Variants in NDUFA12 observed in about 807,000 individuals in gnomAD.
NDUFA12 encodes the protein NADH dehydrogenase [ubiquinone] 1 alpha subcomplex subunit 12.
NDUFA12 carries 17 observed loss-of-function variants against 20.3 expected under a neutral mutation model. The observed-to-expected ratio is 0.84, with a 90% CI of 0.57 to 1.26. NDUFA12 has a LOEUF of 1.26. Among genes scored for constraint, NDUFA12 ranks in the 50% most tolerant of loss-of-function variants. NDUFA12 has a pLI of 0.00. For synonymous variants in NDUFA12, 72 were observed against 63.6 expected (o/e 1.13, Z -0.63); for missense variants, 191 against 183.7 (o/e 1.04, Z -0.23).
At position 95,002,960 on chromosome 12, in the gene NDUFA12, G is replaced by A. The variant is rs1252030255; in HGVS notation, c.87-139C>T. 3 of 746,612 alleles carry A rather than the reference G, an allele frequency of 4.0e-6. No homozygotes were observed. In the African/African-American group the frequency reaches 5.2e-5, roughly 13 times the overall value. 46.2% of individuals were successfully genotyped at this position (746,612 alleles called of 1,614,324 possible). A position where few individuals can be genotyped will look rare whatever the true frequency, so the allele number is the denominator to read the frequency against. On this transcript the variant is annotated intron_variant, in intron 1 of 3. Transcript: ENST00000327772. ...CAAAATGAAGAAGTGCTGGGGATGG[G>A]AAAAGATGAATTGACAACTGATGTG...
intron 3 of NDUFA12, among the ~76,000 whole-genome samples, chr12:94,988,076 T>C (rs887188465): frequency 2.0e-5 from 3 of 152,314 alleles, no homozygotes; most frequent in African/African-American, 7.2e-5. Context: ...CTACTCCTTG[T>C]CCAATTCAGT....
intron 3 of NDUFA12, among the ~76,000 whole-genome samples, chr12:94,988,395 T>C (rs750056108): frequency 3.3e-5 from 5 of 152,222 alleles, no homozygotes; most frequent in Non-Finnish European, 7.3e-5. Context: ...CTTACTTTTA[T>C]TAAAATATTA....
intron 3 of NDUFA12, among the ~76,000 whole-genome samples, chr12:94,985,393 G>C (rs963819519): frequency 5.3e-5 from 8 of 150,808 alleles, no homozygotes; most frequent in Non-Finnish European, 1.0e-4. Flanking sequence ...GGGAGGCCGA[G>C]GTGGGTGGAT....
intron 3 of NDUFA12, among the ~76,000 whole-genome samples, chr12:94,991,630 G>A (rs1874647808): frequency 6.6e-6 from 1 of 151,658 alleles, no homozygotes; most frequent in Non-Finnish European, 1.5e-5. Flanking sequence ...GAGAGGCTGA[G>A]GCGGGAGAAT....
At chr12:94,986,168 C>CA (rs1874432520) in intron 3 of NDUFA12, among the ~76,000 whole-genome samples, 1 of 151,664 alleles carries the variant, frequency 6.6e-6, no homozygotes, top group Non-Finnish European at 1.5e-5. Flanking sequence ...TTGAGCACAG[C>CA]ATATTGAAGC....
chr12:94,980,358 C>A (rs1349946903), intron 3 of NDUFA12, among the ~76,000 whole-genome samples: 1 of 152,070 alleles, frequency 6.6e-6, no homozygotes, highest in Admixed American at 6.5e-5. Context: ...CCACTCAGGC[C>A]CCAAACCTAT....
intron 3 of NDUFA12, among the ~76,000 whole-genome samples, chr12:94,974,893 G>C (rs181385653): frequency 2.0e-5 from 3 of 152,122 alleles, no homozygotes; most frequent in Admixed American, 2.0e-4. Context: ...GGTGGGGATG[G>C]TTAATGGGTA....
At chr12:94,981,411 G>C (rs368138686) in intron 3 of NDUFA12, among the ~76,000 whole-genome samples, 1 of 152,176 alleles carries the variant, frequency 6.6e-6, no homozygotes, top group Admixed American at 6.5e-5. Flanking sequence ...TCGCACCACT[G>C]AACTCCAGCC....
chr12:94,980,446 A>G (rs1874199829), intron 3 of NDUFA12, among the ~76,000 whole-genome samples: 1 of 152,142 alleles, frequency 6.6e-6, no homozygotes, highest in Non-Finnish European at 1.5e-5. Context: ...AAAGGCTTCT[A>G]GAACACATCA....
intron 1 of NDUFA12, 93 bp downstream of exon 1, chr12:95,003,500 ATT>A: frequency 7.6e-7 from 1 of 1,320,228 alleles, no homozygotes; most frequent in Non-Finnish European, 1.1e-6. Flanking sequence ...AGAGCTGTGG[ATT>A]CTCCAAGGTG....
intron 3 of NDUFA12, among the ~76,000 whole-genome samples, chr12:94,989,938 C>T (rs1017358847): frequency 6.6e-6 from 1 of 152,152 alleles, no homozygotes; most frequent in Admixed American, 6.5e-5. Flanking sequence ...CACATGCCTT[C>T]TATAGCCTCC....
intron 2 of NDUFA12, among the ~76,000 whole-genome samples, chr12:94,995,059 T>A (rs1281532865): frequency 1.3e-5 from 2 of 152,204 alleles, no homozygotes; most frequent in Non-Finnish European, 2.9e-5. Flanking sequence ...TAATAAGTAT[T>A]AATTCCTTCT....
chr12:94,998,068 T>C (rs982384275), intron 2 of NDUFA12, among the ~76,000 whole-genome samples: 1 of 151,972 alleles, frequency 6.6e-6, no homozygotes, highest in Non-Finnish European at 1.5e-5. Flanking sequence ...TGAACACAGA[T>C]GCAAAAATCC....
At chr12:94,994,706 C>T (rs1469339237) in intron 2 of NDUFA12, among the ~76,000 whole-genome samples, 2 of 152,170 alleles carry the variant, frequency 1.3e-5, no homozygotes, top group African/African-American at 2.4e-5. Context: ...ACCCTAGATC[C>T]TTTTGGAAAT....
chr12:94,994,322 C>T, intron 2 of NDUFA12, 65 bp from the exon 3 acceptor site: 2 of 1,162,132 alleles, frequency 1.7e-6, no homozygotes, highest in Non-Finnish European at 2.5e-6. Context: ...TGCATAATAT[C>T]AAAGAAGACA....
Position 94,989,932 on chromosome 12 carries a change from T to G in NDUFA12, c.257+4238A>C, listed in dbSNP as rs1201180308. 2.0e-5 allele frequency among the ~76,000 whole-genome samples: 3 copies of G among 152,148 alleles called. No individual in the cohort carries two copies. In the South Asian group the frequency reaches 6.2e-4, roughly 32 times the overall value. On this transcript the variant is annotated intron_variant, in intron 3 of 3. Transcript: ENST00000327772. ...GTCAATCTGAATAAGACAGCTCACA[T>G]GCCTTCTATAGCCTCCCAGGACCAA...
intron 2 of NDUFA12, among the ~76,000 whole-genome samples, chr12:94,995,690 T>C (rs1468676031): frequency 6.6e-6 from 1 of 152,048 alleles, no homozygotes; most frequent in East Asian, 1.9e-4. Context: ...TGTGCCACCA[T>C]GCCTGGCTAA....
At chr12:94,997,862 T>G (rs1298664154) in intron 2 of NDUFA12, among the ~76,000 whole-genome samples, 1 of 152,180 alleles carries the variant, frequency 6.6e-6, no homozygotes, top group Non-Finnish European at 1.5e-5. Flanking sequence ...GCACTTATTA[T>G]GTGCCAAGCA....
At chr12:94,993,626 A>AAAAAAAAAC (rs1874720225) in intron 3 of NDUFA12, among the ~76,000 whole-genome samples, 1 of 50,884 alleles carries the variant, frequency 2.0e-5, no homozygotes, top group African/African-American at 1.1e-4. Context: ...CTCTGTCTCA[A>AAAAAAAAAC]AAAAAAAAAA....
Sources: allele counts gnomAD v4.1 joint callset (sites outside exome capture counted in the v4.1 genomes callset), GRCh38; gene constraint gnomAD v4.1.1; transcripts MANE v1.5; gene names NCBI Gene and HGNC (gene_info 2026-07-23, HGNC 2026-07-21).